The following ZBTB7C variants were observed in gnomAD, a reference collection of about 807,000 sequenced individuals.
ZBTB7C encodes zinc finger and BTB domain-containing protein 7C.
A neutral mutation model predicts 25.7 loss-of-function variants in ZBTB7C; 8 were observed. That is an observed-to-expected ratio of 0.31 (90% CI 0.18 to 0.56). The LOEUF is 0.56. Ranked by LOEUF, ZBTB7C falls within the 20% of genes least tolerant of loss-of-function variation. The probability of loss-of-function intolerance (pLI) is 0.91; values close to 1 mark genes in which losing one functional copy is unlikely to be tolerated. For missense variants in ZBTB7C, 824 were observed against 855.2 expected (o/e 0.96, Z 0.46); for synonymous variants, 394 against 369.0 (o/e 1.07, Z -0.78).
chr18:48,101,115 T>C (rs2038815100), intron 3 of ZBTB7C, among the ~76,000 whole-genome samples: 1 of 152,112 alleles, frequency 6.6e-6, no homozygotes, highest in Non-Finnish European at 1.5e-5. Flanking sequence ...GTCCCTGGCC[T>C]CTCCGGAACC....
chr18:48,277,849 TA>T (rs1031069830), intron 2 of ZBTB7C, among the ~76,000 whole-genome samples: 3 of 151,392 alleles, frequency 2.0e-5, no homozygotes, highest in African/African-American at 2.4e-5. Context: ...TTTTTTTTTT[TA>T]AATCGACCCC....
chr18:48,223,810 G>A (rs572302945), intron 2 of ZBTB7C, among the ~76,000 whole-genome samples: 8 of 152,254 alleles, frequency 5.3e-5, no homozygotes, highest in Non-Finnish European at 1.2e-4. Context: ...CTGTTTAAGA[G>A]TCTGCTGTTT....
At chr18:48,210,863 C>T (rs1028005883) in intron 2 of ZBTB7C, among the ~76,000 whole-genome samples, 25 of 151,770 alleles carry the variant, frequency 1.6e-4, no homozygotes, top group African/African-American at 5.1e-4. Flanking sequence ...AAAGTTTTTA[C>T]GGAGAGACAA....
chr18:48,187,979 T>C (rs1382293054), intron 2 of ZBTB7C, among the ~76,000 whole-genome samples: 1 of 152,180 alleles, frequency 6.6e-6, no homozygotes, highest in Non-Finnish European at 1.5e-5. Flanking sequence ...TGCACAACAG[T>C]GTGAATGTAC....
chr18:48,323,430 G>A (rs574944552), intron 2 of ZBTB7C, among the ~76,000 whole-genome samples: 2 of 152,286 alleles, frequency 1.3e-5, no homozygotes, highest in African/African-American at 4.8e-5. Flanking sequence ...GGGGAAGTTA[G>A]GCAACTTGCT....
At chr18:48,352,978 G>A (rs949631227) in intron 1 of ZBTB7C, among the ~76,000 whole-genome samples, 4 of 152,166 alleles carry the variant, frequency 2.6e-5, no homozygotes, top group African/African-American at 9.7e-5. Flanking sequence ...TGCCCTGCCT[G>A]CCTTGCACAA....
At chr18:48,089,882 C>G (rs1020204950) in intron 3 of ZBTB7C, among the ~76,000 whole-genome samples, 1 of 152,160 alleles carries the variant, frequency 6.6e-6, no homozygotes, top group African/African-American at 2.4e-5. Context: ...GTTTAAAAGC[C>G]CGCTGGGTGA....
chr18:48,054,483 G>GT lies in ZBTB7C; in HGVS notation c.-16-13361dup, dbSNP rs144680768. On this transcript the variant is annotated intron_variant, in intron 3 of 4. Transcript: ENST00000590800. ...CTCATCACAGGTGTAAGATGTCCTG[G>GT]TTATGCCTCAGCCCTCGACAAACAC... 5.4e-3 allele frequency among the ~76,000 whole-genome samples: 825 copies of GT among 152,206 alleles called. 9 individuals are homozygous for GT. The highest frequency in any genetic ancestry group is 0.019 in the African/African-American group (791 of 41,520).
At chr18:48,283,801 G>A (rs1218753110) in intron 2 of ZBTB7C, among the ~76,000 whole-genome samples, 1 of 152,138 alleles carries the variant, frequency 6.6e-6, no homozygotes, top group Non-Finnish European at 1.5e-5. Flanking sequence ...AGACTCAGCT[G>A]AGCATGCTCT....
intron 3 of ZBTB7C, among the ~76,000 whole-genome samples, chr18:48,128,842 C>T (rs1009812564): frequency 1.1e-4 from 17 of 150,230 alleles, no homozygotes; most frequent in African/African-American, 4.1e-4. Flanking sequence ...ACCACTTGTA[C>T]CCTAAAAGCT....
chr18:48,408,440 C>G (rs1313898266), intron 1 of ZBTB7C: 1 of 152,176 alleles, frequency 6.6e-6, no homozygotes, highest in East Asian at 1.9e-4. Context: ...GGCACCGGGC[C>G]AGGCTCGGCT....
chr18:48,239,448 G>A (rs181483888), intron 2 of ZBTB7C, among the ~76,000 whole-genome samples: 176 of 152,236 alleles, frequency 1.2e-3, no homozygotes, highest in Non-Finnish European at 2.1e-3. Context: ...TACAACCAAG[G>A]ACCCTAACAA....
intron 3 of ZBTB7C, among the ~76,000 whole-genome samples, chr18:48,181,142 C>T (rs141859828): frequency 6.6e-6 from 1 of 152,296 alleles, no homozygotes; most frequent in Non-Finnish European, 1.5e-5. Flanking sequence ...CACTGAGATC[C>T]TGGAGTCACC....
chr18:48,238,027 G>A (rs927965752), intron 2 of ZBTB7C, among the ~76,000 whole-genome samples: 3 of 151,946 alleles, frequency 2.0e-5, no homozygotes, highest in Non-Finnish European at 4.4e-5. Flanking sequence ...ATTTTTATTA[G>A]GTTCAAAACT....
At chr18:48,181,410 A>G (rs1364264376) in intron 3 of ZBTB7C, among the ~76,000 whole-genome samples, 3 of 152,182 alleles carry the variant, frequency 2.0e-5, no homozygotes, top group African/African-American at 7.2e-5. Flanking sequence ...CACTCAGTGG[A>G]CAAGGGACAG....
chr18:48,056,182 T>C (rs1268626293), intron 3 of ZBTB7C, among the ~76,000 whole-genome samples: 1 of 152,172 alleles, frequency 6.6e-6, no homozygotes, highest in African/African-American at 2.4e-5. Flanking sequence ...AAGAAATGTG[T>C]AAGATCCATA....
At chr18:48,175,475 A>G (rs2041639434) in intron 3 of ZBTB7C, among the ~76,000 whole-genome samples, 1 of 152,228 alleles carries the variant, frequency 6.6e-6, no homozygotes, top group Admixed American at 6.5e-5. Context: ...GTATGGATTC[A>G]CAATTTCTAA....
chr18:48,136,855 G>A (rs2040183380), intron 3 of ZBTB7C, among the ~76,000 whole-genome samples: 1 of 152,170 alleles, frequency 6.6e-6, no homozygotes, highest in Non-Finnish European at 1.5e-5. Context: ...CCCGGCCACA[G>A]GGTCCCCGCA....
chr18:48,041,572 C>A (rs1023683461), intron 3 of ZBTB7C: 1 of 983,058 alleles, frequency 1.0e-6, no homozygotes, highest in Non-Finnish European at 1.2e-6. Flanking sequence ...TCTCACAAAT[C>A]CTCTGATTCT....
Sources: allele counts gnomAD v4.1 joint callset (sites outside exome capture counted in the v4.1 genomes callset), GRCh38; gene constraint gnomAD v4.1.1; transcripts MANE v1.5; gene names NCBI Gene and HGNC (gene_info 2026-07-23, HGNC 2026-07-21).